Variants in CDH13 observed in about 807,000 individuals in gnomAD.
CDH13 encodes cadherin-13.
CDH13 carries 24 observed loss-of-function variants against 63.8 expected under a neutral mutation model. The ratio of observed to expected loss-of-function variants is 0.38; its 90% CI spans 0.27 to 0.53. The LOEUF (loss-of-function observed/expected upper bound fraction) is 0.53. Ranked by LOEUF, CDH13 falls within the 20% of genes least tolerant of loss-of-function variation. The pLI is 0.85. For synonymous variants in CDH13, 503 were observed against 355.3 expected (o/e 1.42, Z -4.67); for missense variants, 1,049 against 903.1 (o/e 1.16, Z -2.07).
At chr16:82,667,301 G>T (rs373328730) in intron 1 of CDH13, among the ~76,000 whole-genome samples, 9 of 152,166 alleles carry the variant, frequency 5.9e-5, no homozygotes, top group Admixed American at 5.2e-4. Flanking sequence ...AAGGAAGAGG[G>T]GATTGAGGCA....
chr16:83,792,142 G>C (rs1472662431), intron 13 of CDH13, among the ~76,000 whole-genome samples: 1 of 152,220 alleles, frequency 6.6e-6, no homozygotes, highest in African/African-American at 2.4e-5. Context: ...GCCTGCAAAG[G>C]CATTAAACCC....
At chr16:83,695,066 G>A (rs961988185) in intron 10 of CDH13, among the ~76,000 whole-genome samples, 2 of 152,072 alleles carry the variant, frequency 1.3e-5, no homozygotes, top group African/African-American at 4.8e-5. Context: ...AATTAGCCAG[G>A]TGTGGTGGCG....
intron 7 of CDH13, among the ~76,000 whole-genome samples, chr16:83,541,064 C>G (rs2075287971): frequency 6.6e-6 from 1 of 152,128 alleles, no homozygotes; most frequent in Non-Finnish European, 1.5e-5. Flanking sequence ...TTCATGTTCA[C>G]TCCCGCTCAA....
At chr16:82,882,936 T>G (rs979773410) in intron 2 of CDH13, among the ~76,000 whole-genome samples, 4 of 152,278 alleles carry the variant, frequency 2.6e-5, no homozygotes, top group Middle Eastern at 3.4e-3. Context: ...GCCTACCCCT[T>G]TAATGGGAGG....
At chr16:82,679,319 A>C (rs3893937) in intron 1 of CDH13, among the ~76,000 whole-genome samples, 1,825 of 152,310 alleles carry the variant, frequency 0.012, 30 homozygotes, top group African/African-American at 0.041. Context: ...GTCTGATCAC[A>C]TACCTGGGAA....
At chr16:83,411,380 A>T (rs11864143) in intron 6 of CDH13, among the ~76,000 whole-genome samples, 1 of 151,998 alleles carries the variant, frequency 6.6e-6, no homozygotes, top group African/African-American at 2.4e-5. Context: ...CATCCAATGT[A>T]TATCACCGTT....
intron 3 of CDH13, among the ~76,000 whole-genome samples, chr16:83,121,300 G>T (rs756208094): frequency 4.6e-5 from 7 of 152,118 alleles, no homozygotes; most frequent in Admixed American, 1.3e-4. Flanking sequence ...CATTGAATAT[G>T]ATATTCTATA....
In CDH13 at chr16:83,217,434, T is replaced by C; in HGVS notation, c.573T>C (p.Asn191=). 6.2e-7 allele frequency: 1 copy of C among 1,613,908 alleles called. No individual in the cohort carries two copies. Among genetic ancestry groups the C allele is most frequent in the Non-Finnish European group, 8.5e-7 (1 of 1,179,848 alleles). The change falls in exon 5 of 14, where the codon AAT becomes AAC. Residue 191 remains asparagine (N), a synonymous_variant. Transcript: ENST00000567109. ...DQEPKGIFRI[N]ENTGSVSVTR... is the part of the protein sequence containing the mutation. The stretch of plus-strand genomic sequence containing the variant: ...AGCCTAAAGGAATTTTCAGAATCAA[T>C]GAGAACACAGGGAGCGTCTCCGTGA...
chr16:83,266,094 G>A (rs28522483), intron 5 of CDH13, among the ~76,000 whole-genome samples: 8,427 of 151,982 alleles, frequency 0.055, 418 homozygotes, highest in East Asian at 0.21. Flanking sequence ...CTGCCACCAC[G>A]TCCGGCTAAT....
At chr16:83,574,061 C>A (rs1904887642) in intron 7 of CDH13, among the ~76,000 whole-genome samples, 1 of 152,082 alleles carries the variant, frequency 6.6e-6, no homozygotes, top group Middle Eastern at 3.2e-3. Flanking sequence ...AAGCGCCGTG[C>A]CCCTCAATTT....
chr16:82,827,397 G>A (rs2038306171), intron 1 of CDH13, among the ~76,000 whole-genome samples: 1 of 152,198 alleles, frequency 6.6e-6, no homozygotes, highest in Admixed American at 6.6e-5. Context: ...GCCACTCACA[G>A]AGTGAGGGAG....
chr16:83,614,756 T>C (rs1220705766), intron 8 of CDH13, among the ~76,000 whole-genome samples: 1 of 152,190 alleles, frequency 6.6e-6, no homozygotes, highest in East Asian at 1.9e-4. Context: ...CAGGAAAATA[T>C]CAGTAGACAT....
At chr16:82,684,891 G>A (rs1000255339) in intron 1 of CDH13, among the ~76,000 whole-genome samples, 1 of 152,164 alleles carries the variant, frequency 6.6e-6, no homozygotes, top group Non-Finnish European at 1.5e-5. Flanking sequence ...CAAACAACTT[G>A]GGTATTCTTT....
chr16:82,853,160 A>G (rs146569340), intron 1 of CDH13, among the ~76,000 whole-genome samples: 2 of 152,276 alleles, frequency 1.3e-5, no homozygotes, highest in African/African-American at 4.8e-5. Context: ...TTGGTGTCCT[A>G]CAGAGGTAAC....
intron 2 of CDH13, among the ~76,000 whole-genome samples, chr16:82,932,048 C>G (rs17743387): frequency 0.094 from 14,269 of 152,106 alleles, 719 homozygotes; most frequent in South Asian, 0.11. Flanking sequence ...GGGAAAATCA[C>G]TGTAGTTAGT....
intron 2 of CDH13, among the ~76,000 whole-genome samples, chr16:82,986,190 T>C (rs1211331291): frequency 6.6e-6 from 1 of 152,182 alleles, no homozygotes; most frequent in African/African-American, 2.4e-5. Context: ...AGCCAGGCAC[T>C]CTGTAGAGAT....
At chr16:82,727,215 T>G (rs1331068845) in intron 1 of CDH13, among the ~76,000 whole-genome samples, 1 of 152,176 alleles carries the variant, frequency 6.6e-6, no homozygotes, top group Non-Finnish European at 1.5e-5. Context: ...TTGTTCTCCT[T>G]TGTGGACACA....
chr16:83,224,430 G>C (rs1207016664), intron 5 of CDH13, among the ~76,000 whole-genome samples: 1 of 152,234 alleles, frequency 6.6e-6, no homozygotes, highest in African/African-American at 2.4e-5. Context: ...GAGAAGCTTA[G>C]TTGCCCAAAG....
At chr16:82,979,883 CA>C (rs979497158) in intron 2 of CDH13, among the ~76,000 whole-genome samples, 1 of 152,116 alleles carries the variant, frequency 6.6e-6, no homozygotes, top group Admixed American at 6.5e-5. Flanking sequence ...CTTTGGAGAC[CA>C]TTTTAGGAAA....
Sources: allele counts gnomAD v4.1 joint callset (sites outside exome capture counted in the v4.1 genomes callset), GRCh38; gene constraint gnomAD v4.1.1; transcripts MANE v1.5; gene names NCBI Gene and HGNC (gene_info 2026-07-23, HGNC 2026-07-21).